Variants in CNOT6 observed in about 807,000 individuals in gnomAD.
CNOT6 encodes the protein CCR4-NOT transcription complex subunit 6, also known as carbon catabolite repression 4 protein.
In CNOT6, 12 loss-of-function variants were observed where a neutral mutation model predicts 61.2. The ratio of observed to expected loss-of-function variants is 0.20; its 90% CI spans 0.13 to 0.32. The LOEUF is 0.32. Among genes scored for constraint, CNOT6 ranks in the 10% least tolerant of loss-of-function variants. The pLI, the probability that CNOT6 is intolerant of heterozygous loss-of-function variation, is 1.00. For synonymous variants in CNOT6, 225 were observed against 240.6 expected, an observed-to-expected ratio of 0.94 and a Z score of 0.60; for missense variants, 405 against 663.9, an observed-to-expected ratio of 0.61 and a Z score of 4.28.
intron 3 of CNOT6, among the ~76,000 whole-genome samples, chr5:180,550,460 A>G (rs1759541864): frequency 6.6e-6 from 1 of 152,182 alleles, no homozygotes; most frequent in Non-Finnish European, 1.5e-5. Flanking sequence ...AAAAAAAACA[A>G]AAACAAAAAA....
chr5:180,571,178 A>G, intron 10 of CNOT6, 52 bp from the exon 11 acceptor site: 1 of 1,277,034 alleles, frequency 7.8e-7, no homozygotes, highest in South Asian at 1.3e-5. Flanking sequence ...ATGATCTTTT[A>G]AAATTACTTT....
Position 180,569,220 on chromosome 5 carries a change from C to T in CNOT6, c.1138C>T (p.Leu380Phe). 3 of 1,613,660 alleles carry T rather than the reference C, an allele frequency of 1.9e-6. No homozygotes were observed. Among genetic ancestry groups the T allele is most frequent in the Non-Finnish European group, 2.5e-6 (3 of 1,179,536 alleles). Residue 380 changes from leucine to phenylalanine, a missense_variant, in exon 10 of 12, where the codon CTC (leucine) becomes TTC (phenylalanine). Transcript: ENST00000261951. Reference sequence around the variant, plus strand: ...GAAGTTGGTACAAACTATGATGTTCCTCTCAGAAGTGAAGAACATTATTGA... The same window carrying T: ...GAAGTTGGTACAAACTATGATGTTCTTCTCAGAAGTGAAGAACATTATTGA... ...DVKLVQTMMFLSEVKNIIDKA... is the reference protein window; with the variant it reads ...DVKLVQTMMFFSEVKNIIDKA...
chr5:180,502,698 A>G (rs1347575862), intron 1 of CNOT6, among the ~76,000 whole-genome samples: 3 of 146,722 alleles, frequency 2.0e-5, no homozygotes, highest in East Asian at 4.0e-4. Flanking sequence ...GAGTGGTTGT[A>G]TATAGTTTTA....
intron 2 of CNOT6, among the ~76,000 whole-genome samples, chr5:180,547,621 A>G (rs1759378537): frequency 6.6e-6 from 1 of 152,020 alleles, no homozygotes; most frequent in Admixed American, 6.5e-5. Context: ...CCCATATGAA[A>G]TGTTTTTCCC....
At position 180,555,474 on chromosome 5, in the gene CNOT6, A is replaced by G. The variant is rs572525113; in HGVS notation, c.385+2003A>G. 5.9e-5 allele frequency among the ~76,000 whole-genome samples: 9 copies of G among 152,302 alleles called. No homozygotes were observed. The South Asian group carries it at 1.7e-3, about 28-fold the overall frequency. Reference sequence around the variant, plus strand: ...ATCTGTGTTTATTTCTTGGAAGTGTAGTTTCAAAGAGACATTTGCTTATCT... The same window carrying G: ...ATCTGTGTTTATTTCTTGGAAGTGTGGTTTCAAAGAGACATTTGCTTATCT... On this transcript the variant is annotated intron_variant, in intron 4 of 11. Coordinates refer to ENST00000261951, the MANE Select transcript of CNOT6 (RefSeq NM_001370472.1).
Position 180,578,294 on chromosome 5 carries a change from T to G in CNOT6, c.*4094T>G, listed in dbSNP as rs1264491942. ...TCATGATATAAGGAATGGGCTCATG[T>G]GTCTTCCGTCTTTTGGAAGGAGGTT... On this transcript the variant is annotated 3_prime_UTR_variant, in exon 12 of 12. Transcript: ENST00000261951. 2 of 152,672 alleles carry G rather than the reference T, an allele frequency of 1.3e-5. No homozygotes were observed. The highest frequency in any genetic ancestry group is 2.9e-5 in the Non-Finnish European group (2 of 68,036). 9.5% of individuals were successfully genotyped at this position (152,672 alleles called of 1,614,324 possible).
intron 7 of CNOT6, among the ~76,000 whole-genome samples, chr5:180,566,794 A>G (rs1193819707): frequency 6.6e-6 from 1 of 151,802 alleles, no homozygotes; most frequent in Non-Finnish European, 1.5e-5. Flanking sequence ...CTGGGATTAC[A>G]GGCATGCACC....
rs570255485 is a variant in CNOT6 at position 180,556,367 on chromosome 5, A to G, written c.385+2896A>G. The stretch of plus-strand genomic sequence containing the variant: ...TGATCTGTTGCATAGCATAGTAACT[A>G]TAGTTAATAATAATGTGTATTTTTT... On this transcript the variant is annotated intron_variant, in intron 4 of 11. Transcript: ENST00000261951. 3.1e-4 allele frequency among the ~76,000 whole-genome samples: 47 copies of G among 152,294 alleles called. 1 individual carries two copies. Among genetic ancestry groups the G allele is most frequent in the African/African-American group, 1.1e-3 (46 of 41,560 alleles).
intron 1 of CNOT6, among the ~76,000 whole-genome samples, chr5:180,517,688 C>T (rs1411356941): frequency 1.3e-5 from 2 of 152,070 alleles, no homozygotes; most frequent in African/African-American, 2.4e-5. Flanking sequence ...GGACTACAGA[C>T]GCCTGCCACA....
intron 2 of CNOT6, among the ~76,000 whole-genome samples, chr5:180,538,690 A>ATATATGTG (rs112317507): frequency 3.3e-4 from 20 of 59,912 alleles, no homozygotes; most frequent in Admixed American, 2.2e-3. Context: ...AAAAAGGTAT[A>ATATATGTG]TATATATATA....
chr5:180,498,130 ATT>A (rs886497322), intron 1 of CNOT6, among the ~76,000 whole-genome samples: 1 of 151,922 alleles, frequency 6.6e-6, no homozygotes, highest in African/African-American at 2.4e-5. Context: ...AATGTACTGT[ATT>A]TTGGTACTTG....
In CNOT6 at chr5:180,571,246, G is replaced by A. The variant is rs747200222; in HGVS notation, c.1275G>A (p.Leu425=). 2 of 1,613,608 alleles carry A rather than the reference G, an allele frequency of 1.2e-6. No homozygotes were observed. The highest frequency in any genetic ancestry group is 1.7e-6 in the Non-Finnish European group (2 of 1,179,566). Residue 425 remains leucine, a synonymous_variant, in exon 11 of 12, where the codon TTG becomes TTA. Transcript: ENST00000261951. ...TCATTGTAGGTGTTGTAGAATATTT[G>A]AGCACAGGTGGAGTAGAAACAAATC... is the stretch of plus-strand genomic sequence containing the variant. ...SLPDSGVVEY[L]STGGVETNHK... is the part of the protein sequence containing the mutation.
At chr5:180,526,394 G>A (rs1165680012) in intron 1 of CNOT6, among the ~76,000 whole-genome samples, 2 of 152,172 alleles carry the variant, frequency 1.3e-5, no homozygotes, top group Non-Finnish European at 2.9e-5. Context: ...AGAATGAGGG[G>A]GTGGATCGAA....
intron 10 of CNOT6, among the ~76,000 whole-genome samples, 193 bp downstream of exon 10, chr5:180,569,533 G>A (rs1298770344): frequency 2.7e-5 from 4 of 149,786 alleles, no homozygotes; most frequent in African/African-American, 1.0e-4. Context: ...GAAACTTGAG[G>A]AGAAGGATGT....
chr5:180,541,562 C>T (rs932920791), intron 2 of CNOT6, among the ~76,000 whole-genome samples: 1 of 144,962 alleles, frequency 6.9e-6, no homozygotes, highest in Admixed American at 7.3e-5. Context: ...CAGCATTTTC[C>T]TGCCTCAGCC....
chr5:180,502,436 C>T (rs1261116351), intron 1 of CNOT6, among the ~76,000 whole-genome samples: 3 of 152,132 alleles, frequency 2.0e-5, no homozygotes, highest in Non-Finnish European at 4.4e-5. Context: ...CAATTTTCAG[C>T]CTTCAGTTAC....
At chr5:180,568,863 AT>A (rs1192249055) in intron 9 of CNOT6, among the ~76,000 whole-genome samples, 1 of 152,234 alleles carries the variant, frequency 6.6e-6, no homozygotes, top group Non-Finnish European at 1.5e-5. Context: ...AATTTTAAAA[AT>A]CAAGCTGTCC....
At chr5:180,514,943 T>A (rs1024610686) in intron 1 of CNOT6, among the ~76,000 whole-genome samples, 1 of 152,142 alleles carries the variant, frequency 6.6e-6, no homozygotes, top group Non-Finnish European at 1.5e-5. Context: ...ACAAACTGTT[T>A]AGAGGTGATA....
rs183236489 is a variant in CNOT6, at chr5:180,552,430, T to A, written c.300-956T>A. Among the ~76,000 whole-genome samples, 1,316 of 151,600 alleles carry A rather than the reference T, an allele frequency of 8.7e-3. 10 individuals carry two copies. The highest frequency in any genetic ancestry group is 0.034 in the East Asian group (170 of 5,062). ...GCCGAGGCGGGCGGATCACAAAGTC[T>A]GGAGATCGAGACCATCCTGGCTAAC... On this transcript the variant is annotated intron_variant, in intron 3 of 11. Transcript: ENST00000261951.
Sources: allele counts gnomAD v4.1 joint callset (sites outside exome capture counted in the v4.1 genomes callset), GRCh38; gene constraint gnomAD v4.1.1; transcripts MANE v1.5; gene names NCBI Gene and HGNC (gene_info 2026-07-23, HGNC 2026-07-21).